PKP4: variants seen among roughly 807,000 people sequenced by gnomAD.
PKP4 encodes plakophilin 4, also known as plakophilin-4.
A neutral mutation model predicts 145.1 loss-of-function variants in PKP4; 90 were observed. The observed-to-expected ratio is 0.62, with a 90% CI of 0.52 to 0.74. PKP4 has a LOEUF of 0.74. Ranked by LOEUF, PKP4 falls within the 30% of genes least tolerant of loss-of-function variation. The pLI is 0.00. For synonymous variants in PKP4, 563 were observed against 577.2 expected, an observed-to-expected ratio of 0.98 and a Z score of 0.35; for missense variants, 1,340 against 1,482.7, an observed-to-expected ratio of 0.90 and a Z score of 1.58.
At chr2:158,522,657 T>G (rs938692138) in intron 1 of PKP4, among the ~76,000 whole-genome samples, 17 of 152,134 alleles carry the variant, frequency 1.1e-4, no homozygotes, top group Non-Finnish European at 2.4e-4. Flanking sequence ...ACAGCTCCGG[T>G]CTACAGCTCC....
At chr2:158,675,791 G>A (rs2057952450) in intron 19 of PKP4, among the ~76,000 whole-genome samples, 1 of 152,166 alleles carries the variant, frequency 6.6e-6, no homozygotes, top group African/African-American at 2.4e-5. Context: ...TGTCAGTGAG[G>A]TGACTTTTTA....
At chr2:158,469,921 T>G (rs1691284070) in intron 1 of PKP4, among the ~76,000 whole-genome samples, 1 of 152,190 alleles carries the variant, frequency 6.6e-6, no homozygotes, top group South Asian at 2.1e-4. Flanking sequence ...GAGCCCTTGT[T>G]TTTCTTCTTC....
chr2:158,577,310 G>A lies in PKP4; in HGVS notation c.172G>A (p.Glu58Lys). ...GCGACTCACCCGAGAACTGGAAGTG[G>A]AAAGGCAGATTGTTGCCAGTCAGCT... ...FQRLTRELEV[E>K]RQIVASQLER... Residue 58 changes from glutamate (E) to lysine (K), a missense_variant, in exon 3 of 22, where the codon GAA (glutamate) becomes AAA (lysine). Glu to Lys is a moderately conservative substitution (Grantham distance 56). Transcript: ENST00000389759. 1 of 1,613,696 alleles carries A rather than the reference G, an allele frequency of 6.2e-7. No individual in the cohort carries two copies. The highest frequency in any genetic ancestry group is 8.5e-7 in the Non-Finnish European group (1 of 1,179,862).
At chr2:158,541,118 A>G (rs2044488920) in intron 2 of PKP4, among the ~76,000 whole-genome samples, 1 of 152,132 alleles carries the variant, frequency 6.6e-6, no homozygotes, top group South Asian at 2.1e-4. Context: ...TCACTTCTGG[A>G]GAGAAAAATA....
intron 1 of PKP4, among the ~76,000 whole-genome samples, chr2:158,495,978 A>ATATTT (rs1044916900): frequency 3.3e-5 from 5 of 151,780 alleles, no homozygotes; most frequent in Admixed American, 2.6e-4. Context: ...TTACTTGAAA[A>ATATTT]TATTTTATTT....
At chr2:158,573,654 CAAAAAA>C (rs56145817) in intron 2 of PKP4, among the ~76,000 whole-genome samples, 1 of 128,146 alleles carries the variant, frequency 7.8e-6, no homozygotes, top group Non-Finnish European at 1.6e-5. Context: ...AAATGGAAGC[CAAAAAA>C]AAAAAAAAAA....
chr2:158,471,035 G>A (rs1385517679), intron 1 of PKP4, among the ~76,000 whole-genome samples: 1 of 152,108 alleles, frequency 6.6e-6, no homozygotes, highest in East Asian at 1.9e-4. Context: ...CAGCTTCAAT[G>A]CCCCTTCACC....
intron 3 of PKP4, among the ~76,000 whole-genome samples, chr2:158,586,847 A>G (rs189599075): frequency 6.6e-6 from 1 of 152,354 alleles, no homozygotes; most frequent in East Asian, 1.9e-4. Flanking sequence ...TCCAAATGAC[A>G]AGTATCTCTA....
At position 158,558,819 on chromosome 2, in the gene PKP4, A is replaced by G. The variant is rs142571645; in HGVS notation, c.133-18452A>G. ...GTCATGGGTACAGGGAGTGGGTACT[A>G]TTGCAGGCTGTGGAAGTTCTGAGTA... On this transcript the variant is annotated intron_variant, in intron 2 of 21. Transcript: ENST00000389759. Among the ~76,000 whole-genome samples the G allele has an allele frequency of 2.4e-3, 360 of 152,260 alleles. 1 individual carries two copies. Among genetic ancestry groups the G allele is most frequent in the Non-Finnish European group, 4.4e-3 (297 of 68,000 alleles).
intron 6 of PKP4, among the ~76,000 whole-genome samples, chr2:158,623,946 C>A (rs1270685186): frequency 6.6e-6 from 1 of 152,186 alleles, no homozygotes; most frequent in Non-Finnish European, 1.5e-5. Flanking sequence ...TGTTGCACAG[C>A]ATGAAAAACA....
At chr2:158,514,604 T>C (rs1156797480) in intron 1 of PKP4, among the ~76,000 whole-genome samples, 1 of 152,198 alleles carries the variant, frequency 6.6e-6, no homozygotes, top group Admixed American at 6.5e-5. Context: ...TCTTTTAAAA[T>C]CAAGAGGTTT....
chr2:158,530,939 C>T (rs1317243400), intron 1 of PKP4, among the ~76,000 whole-genome samples: 2 of 152,118 alleles, frequency 1.3e-5, no homozygotes, highest in Non-Finnish European at 2.9e-5. Context: ...GACCCTCCTC[C>T]TCTTGACTTT....
chr2:158,467,801 A>G (rs916282782), intron 1 of PKP4, among the ~76,000 whole-genome samples: 2 of 152,104 alleles, frequency 1.3e-5, no homozygotes, highest in Non-Finnish European at 2.9e-5. Flanking sequence ...GAGTTATGAT[A>G]GTGCCACTGC....
chr2:158,589,336 T>C (rs1253620256), intron 3 of PKP4, among the ~76,000 whole-genome samples: 1 of 152,180 alleles, frequency 6.6e-6, no homozygotes, highest in East Asian at 1.9e-4. Flanking sequence ...CTAAAGATAG[T>C]GTTTTTCTCT....
chr2:158,602,268 G>C (rs1222591113), intron 3 of PKP4, among the ~76,000 whole-genome samples: 1 of 152,144 alleles, frequency 6.6e-6, no homozygotes, highest in Non-Finnish European at 1.5e-5. Context: ...AGCTCTTCGA[G>C]TTACCAGCAT....
At chr2:158,627,660 T>C (rs1201609015) in intron 7 of PKP4, among the ~76,000 whole-genome samples, 3 of 150,874 alleles carry the variant, frequency 2.0e-5, no homozygotes, top group Non-Finnish European at 4.4e-5. Flanking sequence ...AATATATATA[T>C]ATATACTCTA....
intron 3 of PKP4, among the ~76,000 whole-genome samples, chr2:158,580,966 C>T (rs944830737): frequency 6.6e-6 from 1 of 152,214 alleles, no homozygotes; most frequent in African/African-American, 2.4e-5. Flanking sequence ...GGCACAGAGC[C>T]TGGCGCTCAG....
In PKP4 at chr2:158,620,987, C is replaced by G. The variant is rs2052171031; in HGVS notation, c.281-3C>G. ...TTAGCTGATTAAACTTTTCTTGTTA[C>G]AGACGTGCCAAATACTGGTGTAAGC... On this transcript the variant is annotated splice_region_variant and splice_polypyrimidine_tract_variant and intron_variant, in intron 4 of 21. Transcript: ENST00000389759. The G allele has an allele frequency of 2.5e-6, 4 of 1,613,236 alleles. No individual in the cohort carries two copies. Among genetic ancestry groups the G allele is most frequent in the Non-Finnish European group, 2.5e-6 (3 of 1,179,436 alleles).
At position 158,551,207 on chromosome 2, in the gene PKP4, A is replaced by G. The variant is rs371318177; in HGVS notation, c.132+17891A>G. On this transcript the variant is annotated intron_variant, in intron 2 of 21. Transcript: ENST00000389759. ...CAACTTTATAAAAGTAATTAGAGCT[A>G]TTAAATAGGCACACAGTTTTATTTG... Among the ~76,000 whole-genome samples the G allele has an allele frequency of 1.3e-4, 20 of 152,356 alleles. 2 individuals carry two copies. The highest frequency in any genetic ancestry group is 1.2e-3 in the South Asian group (6 of 4,826).
Sources: allele counts gnomAD v4.1 joint callset (sites outside exome capture counted in the v4.1 genomes callset), GRCh38; gene constraint gnomAD v4.1.1; transcripts MANE v1.5; gene names NCBI Gene and HGNC (gene_info 2026-07-23, HGNC 2026-07-21).